The following OTUD7A variants were observed in gnomAD, a reference collection of about 807,000 sequenced individuals.
The protein encoded by OTUD7A is OTU domain-containing protein 7A.
In OTUD7A, 12 loss-of-function variants were observed where a neutral mutation model predicts 65.7. The observed-to-expected ratio is 0.18, with a 90% CI of 0.12 to 0.30. The LOEUF (loss-of-function observed/expected upper bound fraction) is 0.30, where lower values mean the gene tolerates loss of function less well. Among genes scored for constraint, OTUD7A ranks in the 10% least tolerant of loss-of-function variants. The probability of loss-of-function intolerance (pLI) is 1.00; values close to 1 mark genes in which losing one functional copy is unlikely to be tolerated. For missense variants in OTUD7A, 1,148 were observed against 1,304.8 expected, an observed-to-expected ratio of 0.88 and a Z score of 1.85; for synonymous variants, 641 against 586.3, an observed-to-expected ratio of 1.09 and a Z score of -1.35.
chr15:31,840,014 A>T (rs1897146632), intron 1 of OTUD7A, among the ~76,000 whole-genome samples: 1 of 152,106 alleles, frequency 6.6e-6, no homozygotes, highest in Admixed American at 6.5e-5. Context: ...CTCTAACTAC[A>T]CAAAATAAAA....
At chr15:31,764,277 G>A (rs115878004) in intron 1 of OTUD7A, among the ~76,000 whole-genome samples, 3,466 of 152,038 alleles carry the variant, frequency 0.023, 123 homozygotes, top group African/African-American at 0.079. Context: ...TTATAGCCAG[G>A]ATAAAGTCAT....
chr15:31,633,876 G>A (rs1426383230), intron 3 of OTUD7A, among the ~76,000 whole-genome samples: 6 of 152,254 alleles, frequency 3.9e-5, no homozygotes, highest in Middle Eastern at 3.4e-3. Flanking sequence ...CTAGTCCAGC[G>A]TGCTGCCCTC....
At chr15:31,760,912 T>C (rs1229615296) in intron 1 of OTUD7A, among the ~76,000 whole-genome samples, 1 of 152,140 alleles carries the variant, frequency 6.6e-6, no homozygotes, top group Non-Finnish European at 1.5e-5. Flanking sequence ...AAGAACAGGT[T>C]TTTTTGGGTT....
At chr15:31,666,971 G>A (rs1306733089) in intron 1 of OTUD7A, among the ~76,000 whole-genome samples, 1 of 152,124 alleles carries the variant, frequency 6.6e-6, no homozygotes, top group African/African-American at 2.4e-5. Flanking sequence ...TTTCCAGTTT[G>A]CCTCCACTGT....
intron 3 of OTUD7A, among the ~76,000 whole-genome samples, chr15:31,620,161 C>T (rs1017524348): frequency 3.4e-4 from 51 of 152,212 alleles, no homozygotes; most frequent in African/African-American, 1.2e-3. Context: ...CTGCTGGATT[C>T]GGTCTGCCAG....
intron 1 of OTUD7A, among the ~76,000 whole-genome samples, chr15:31,854,112 T>A (rs1897500520): frequency 6.6e-6 from 1 of 152,260 alleles, no homozygotes; most frequent in South Asian, 2.1e-4. Flanking sequence ...CGGGTTAAAA[T>A]CTAGCTGTTG....
At chr15:31,746,962 G>T (rs559789897) in intron 1 of OTUD7A, among the ~76,000 whole-genome samples, 1 of 152,276 alleles carries the variant, frequency 6.6e-6, no homozygotes, top group East Asian at 1.9e-4. Context: ...AGATGCGTTT[G>T]TCAGAATCTG....
intron 3 of OTUD7A, among the ~76,000 whole-genome samples, chr15:31,578,017 C>G (rs12439306): frequency 6.6e-6 from 1 of 151,940 alleles, no homozygotes; most frequent in Non-Finnish European, 1.5e-5. Flanking sequence ...TGATCAGACT[C>G]AACAATGGAA....
intron 1 of OTUD7A, among the ~76,000 whole-genome samples, chr15:31,740,981 G>A (rs1000690554): frequency 1.3e-5 from 2 of 152,218 alleles, no homozygotes; most frequent in Admixed American, 1.3e-4. Context: ...GGACACAGAT[G>A]TGAATGTACT....
At chr15:31,572,969 T>TTA (rs909375877) in intron 3 of OTUD7A, among the ~76,000 whole-genome samples, 2 of 152,036 alleles carry the variant, frequency 1.3e-5, no homozygotes, top group Non-Finnish European at 2.9e-5. Context: ...AAAAAAGAAT[T>TTA]TAAAGACTTT....
chr15:31,636,026 C>T (rs1186581620), intron 3 of OTUD7A, among the ~76,000 whole-genome samples: 2 of 152,234 alleles, frequency 1.3e-5, no homozygotes, highest in African/African-American at 2.4e-5. Flanking sequence ...AAAATTTAAT[C>T]GCTTTATACA....
chr15:31,741,757 G>A (rs1382063687), intron 1 of OTUD7A, among the ~76,000 whole-genome samples: 1 of 151,894 alleles, frequency 6.6e-6, no homozygotes, highest in African/African-American at 2.4e-5. Flanking sequence ...GGAGCCAAAT[G>A]TCCATTTCAA....
chr15:31,635,508 G>C (rs1891312807), intron 3 of OTUD7A, among the ~76,000 whole-genome samples: 1 of 152,228 alleles, frequency 6.6e-6, no homozygotes, highest in Non-Finnish European at 1.5e-5. Context: ...CCTGGGGGCA[G>C]AGAGCCCCGA....
At chr15:31,647,321 G>A (rs1019371575) in intron 3 of OTUD7A, among the ~76,000 whole-genome samples, 4 of 152,220 alleles carry the variant, frequency 2.6e-5, no homozygotes, top group African/African-American at 4.8e-5. Flanking sequence ...CGCCAGAGCC[G>A]TGAATTCTGC....
chr15:31,738,948 T>G (rs1332022994), intron 1 of OTUD7A, among the ~76,000 whole-genome samples: 1 of 152,188 alleles, frequency 6.6e-6, no homozygotes, highest in Admixed American at 6.5e-5. Flanking sequence ...TGGCATCAGA[T>G]CAGATACCAA....
intron 10 of OTUD7A, among the ~76,000 whole-genome samples, chr15:31,499,423 G>A (rs962376453): frequency 5.3e-5 from 8 of 152,192 alleles, no homozygotes; most frequent in African/African-American, 1.7e-4. Flanking sequence ...CAGGTCCTGC[G>A]ACTTTGCGGT....
chr15:31,827,291 T>C (rs1253670403), intron 1 of OTUD7A, among the ~76,000 whole-genome samples: 1 of 152,208 alleles, frequency 6.6e-6, no homozygotes, highest in Non-Finnish European at 1.5e-5. Flanking sequence ...AGTCTGGTCT[T>C]ACATGGATGG....
In OTUD7A at chr15:31,857,663, G is replaced by A. The variant is rs115334564; in HGVS notation, c.-100+12844C>T. Among the ~76,000 whole-genome samples, 1,064 of 152,302 alleles carry A rather than the reference G, an allele frequency of 7.0e-3. 15 individuals are homozygous for A. The highest frequency in any genetic ancestry group is 0.025 in the African/African-American group (1,024 of 41,564). ...TAAACAGCACATGCTCCAGGGCGGG[G>A]ATGACATGTGACTCCAGACTGCCCC... On this transcript the variant is annotated intron_variant, in intron 1 of 12. Transcript: ENST00000307050.
chr15:31,730,074 C>T (rs1181420600), intron 1 of OTUD7A, among the ~76,000 whole-genome samples: 3 of 152,278 alleles, frequency 2.0e-5, no homozygotes, highest in Admixed American at 1.3e-4. Context: ...GGTGCAGCCT[C>T]ATGAATGGAA....
Sources: allele counts gnomAD v4.1 joint callset (sites outside exome capture counted in the v4.1 genomes callset), GRCh38; gene constraint gnomAD v4.1.1; transcripts MANE v1.5; gene names NCBI Gene and HGNC (gene_info 2026-07-23, HGNC 2026-07-21).